FOXP1: variants seen among roughly 807,000 people sequenced by gnomAD.
The protein encoded by FOXP1 is forkhead box P1.
In FOXP1, 15 loss-of-function variants were observed where a neutral mutation model predicts 98.2. That is an observed-to-expected ratio of 0.15 (90% CI 0.10 to 0.24). FOXP1 has a LOEUF of 0.24. FOXP1 is among the 10% of genes least tolerant of loss of function. FOXP1 has a pLI of 1.00. For synonymous variants in FOXP1, 371 were observed against 314.5 expected (o/e 1.18, Z -1.90); for missense variants, 633 against 848.5 (o/e 0.75, Z 3.15).
chr3:71,494,414 T>TG (rs2091268134), intron 2 of FOXP1, among the ~76,000 whole-genome samples: 1 of 152,230 alleles, frequency 6.6e-6, no homozygotes, highest in Non-Finnish European at 1.5e-5. Context: ...TTTACCATGA[T>TG]TCACTCTCAT....
chr3:71,032,416 T>C (rs2106690473), intron 11 of FOXP1, among the ~76,000 whole-genome samples: 1 of 152,366 alleles, frequency 6.6e-6, no homozygotes, highest in East Asian at 1.9e-4. Flanking sequence ...AAGGAACGGT[T>C]ATCTTCTTTA....
chr3:71,359,848 AG>A (rs1397036188), intron 3 of FOXP1, among the ~76,000 whole-genome samples: 1 of 152,128 alleles, frequency 6.6e-6, no homozygotes, highest in East Asian at 1.9e-4. Context: ...AGAGGAGTGC[AG>A]TGGCATGATC....
chr3:71,065,222 C>G (rs1011071208), intron 7 of FOXP1, among the ~76,000 whole-genome samples: 14 of 151,948 alleles, frequency 9.2e-5, no homozygotes, highest in African/African-American at 3.1e-4. Context: ...GTCGGCCGGG[C>G]TCGGCGCGCA....
chr3:71,132,729 A>C (rs954706196), intron 6 of FOXP1, among the ~76,000 whole-genome samples: 4 of 152,224 alleles, frequency 2.6e-5, no homozygotes, highest in Non-Finnish European at 5.9e-5. Flanking sequence ...GGATTAAAAA[A>C]TGTACAAACC....
rs77009521 is a variant in FOXP1 at position 71,368,846 on chromosome 3, A to G, written c.-167-9602T>C. Among the ~76,000 whole-genome samples, 1,040 of 152,334 alleles carry G rather than the reference A, an allele frequency of 6.8e-3. 29 individuals are homozygous for G. The highest frequency in any genetic ancestry group is 4.0e-3 in the Non-Finnish European group (269 of 68,028). Reference sequence around the variant, plus strand: ...CCCCACCAACTGCTGAGACCCCATAACAAGAATAAGATGAGGAGGTTCAAC... The same window carrying G: ...CCCCACCAACTGCTGAGACCCCATAGCAAGAATAAGATGAGGAGGTTCAAC... On this transcript the variant is annotated intron_variant, in intron 3 of 20. Transcript: ENST00000649528.
chr3:71,556,832 T>C (rs2046178965), intron 2 of FOXP1, among the ~76,000 whole-genome samples: 1 of 152,002 alleles, frequency 6.6e-6, no homozygotes, highest in South Asian at 2.1e-4. Flanking sequence ...AATAAATGTA[T>C]GTACTACAAT....
chr3:71,542,005 T>G lies in FOXP1; in HGVS notation c.-298+39544A>C, dbSNP rs372709262. 3.7e-4 allele frequency: 199 copies of G among 534,262 alleles called. 3 individuals carry two copies. In the East Asian group the frequency reaches 9.5e-3, roughly 25 times the overall value. The allele number at this position is 534,262 out of a possible 1,614,324, so 33.1% of individuals were successfully genotyped here. On this transcript the variant is annotated intron_variant, in intron 2 of 20. Transcript: ENST00000649528. ...TATGAAAGAAACCAGCAGTTTCCAATACAAACATGGGCTTTCCAATATATA... is the reference window on the plus strand; with the variant it reads ...TATGAAAGAAACCAGCAGTTTCCAAGACAAACATGGGCTTTCCAATATATA...
In FOXP1 at chr3:71,052,703, T is replaced by C. The variant is rs2050076784; in HGVS notation, c.421-77A>G. The C allele has an allele frequency of 6.0e-6, 5 of 834,326 alleles. No homozygotes were observed. In the East Asian group the frequency reaches 1.2e-4, roughly 20 times the overall value. The allele number at this position is 834,326 out of a possible 1,614,324, so 51.7% of individuals were successfully genotyped here. A position where few individuals can be genotyped will look rare whatever the true frequency, so the allele number is the denominator to read the frequency against. ...GTCCCTTTTGGTGCCATACACAAAC[T>C]GTGATTTGAAAAATAGCATCCTTTT... On this transcript the variant is annotated intron_variant, in intron 8 of 20. Transcript: ENST00000649528.
intron 13 of FOXP1, among the ~76,000 whole-genome samples, chr3:70,992,840 A>C (rs1400769879): frequency 6.6e-6 from 1 of 152,170 alleles, no homozygotes; most frequent in Non-Finnish European, 1.5e-5. Flanking sequence ...AGAAACCCAG[A>C]GACTCTCTCT....
chr3:71,538,241 C>G (rs62244886), intron 2 of FOXP1, among the ~76,000 whole-genome samples: 44,480 of 152,046 alleles, frequency 0.29, 7,704 homozygotes, highest in Non-Finnish European at 0.39. Context: ...GTATATTCAA[C>G]GGTTGTGAAA....
intron 4 of FOXP1, chr3:71,302,803 TAC>T (rs1259006125): frequency 2.6e-5 from 4 of 152,122 alleles, no homozygotes; most frequent in Non-Finnish European, 5.9e-5. Context: ...TACCTGAAGT[TAC>T]ACAGTGACCA....
chr3:71,224,863 G>A (rs1402172484), intron 5 of FOXP1, among the ~76,000 whole-genome samples: 1 of 152,186 alleles, frequency 6.6e-6, no homozygotes, highest in Non-Finnish European at 1.5e-5. Context: ...GATAATGTAG[G>A]CAATGTGTTT....
intron 2 of FOXP1, among the ~76,000 whole-genome samples, chr3:71,541,558 A>C (rs561689693): frequency 3.9e-5 from 6 of 152,350 alleles, no homozygotes; most frequent in Admixed American, 3.9e-4. Context: ...TAGAGACTTG[A>C]AATGTGAGGA....
At chr3:70,968,650 C>A (rs2035503505) in intron 19 of FOXP1, 1 of 152,150 alleles carries the variant, frequency 6.6e-6, no homozygotes, top group Admixed American at 6.5e-5. Context: ...CAATCTGTCC[C>A]AAGTCCCATG....
intron 3 of FOXP1, among the ~76,000 whole-genome samples, chr3:71,446,797 C>G (rs189131670): frequency 6.6e-6 from 1 of 152,348 alleles, no homozygotes; most frequent in East Asian, 1.9e-4. Context: ...CTGGCACTTT[C>G]CAGAAATCTG....
At chr3:71,553,518 G>T (rs1180701235) in intron 2 of FOXP1, among the ~76,000 whole-genome samples, 1 of 152,070 alleles carries the variant, frequency 6.6e-6, no homozygotes, top group African/African-American at 2.4e-5. Flanking sequence ...CATTTAACTT[G>T]TTCGGTTCTT....
chr3:71,214,775 C>A (rs1017137319), intron 5 of FOXP1, among the ~76,000 whole-genome samples: 17 of 152,140 alleles, frequency 1.1e-4, no homozygotes, highest in African/African-American at 4.1e-4. Context: ...AGGATCATAA[C>A]CTAGGCACAA....
At chr3:71,524,597 G>A (rs1463771755) in intron 2 of FOXP1, among the ~76,000 whole-genome samples, 2 of 149,254 alleles carry the variant, frequency 1.3e-5, no homozygotes, top group East Asian at 2.0e-4. Context: ...GACACAAGGA[G>A]TAATTACAAA....
chr3:71,361,765 C>T (rs913966256), intron 3 of FOXP1, among the ~76,000 whole-genome samples: 4 of 152,192 alleles, frequency 2.6e-5, no homozygotes, highest in African/African-American at 4.8e-5. Flanking sequence ...ATTCAGACAG[C>T]GACATTAATG....
Sources: gnomAD v4.1 joint callset for allele counts (sites outside exome capture counted in the v4.1 genomes callset) on GRCh38, gnomAD v4.1.1 for gene constraint, MANE v1.5 for transcripts, NCBI Gene and HGNC (gene_info 2026-07-23, HGNC 2026-07-21) for gene names.